The following PLEKHA5 variants were observed in gnomAD, a reference collection of about 807,000 sequenced individuals.
PLEKHA5 encodes pleckstrin homology domain-containing family A member 5.
PLEKHA5 carries 55 observed loss-of-function variants against 181.9 expected under a neutral mutation model. That is an observed-to-expected ratio of 0.30 (90% CI 0.24 to 0.38). The LOEUF is 0.38. PLEKHA5 is among the 10% of genes least tolerant of loss of function. The probability of loss-of-function intolerance (pLI) is 1.00; values close to 1 mark genes in which losing one functional copy is unlikely to be tolerated. For synonymous variants in PLEKHA5, 535 were observed against 529.4 expected, an observed-to-expected ratio of 1.01 and a Z score of -0.15; for missense variants, 1,432 against 1,549.5, an observed-to-expected ratio of 0.92 and a Z score of 1.27.
chr12:19,204,720 A>G (rs767538268), intron 3 of PLEKHA5, among the ~76,000 whole-genome samples: 21 of 152,146 alleles, frequency 1.4e-4, no homozygotes, highest in Non-Finnish European at 2.5e-4. Context: ...GATAAGAAAA[A>G]TCCTATCACT....
intron 21 of PLEKHA5, among the ~76,000 whole-genome samples, chr12:19,341,418 T>C (rs1028533724): frequency 6.6e-6 from 1 of 152,234 alleles, no homozygotes; most frequent in Non-Finnish European, 1.5e-5. Flanking sequence ...TTTTAAATTT[T>C]ATGAAAGTAA....
rs765610657 is a variant in PLEKHA5, at chr12:19,358,446, A to G, written c.3348+9A>G. 3 of 1,526,354 alleles carry G rather than the reference A, an allele frequency of 2.0e-6. No individual in the cohort carries two copies. In the East Asian group the frequency reaches 6.8e-5, roughly 34 times the overall value. The allele number at this position is 1,526,354 out of a possible 1,614,324, so 94.6% of individuals were successfully genotyped here. A position where few individuals can be genotyped will look rare whatever the true frequency, so the allele number is the denominator to read the frequency against. ...CATTTAGGACTACTCAGGTATATGA[A>G]TTGCATTTGATTATTATTTTGTGTA... On this transcript the variant is annotated intron_variant, in intron 27 of 31. Transcript: ENST00000429027.
At chr12:19,214,265 C>CTACA (rs2057514908) in intron 3 of PLEKHA5, among the ~76,000 whole-genome samples, 1 of 152,168 alleles carries the variant, frequency 6.6e-6, no homozygotes, top group African/African-American at 2.4e-5. Flanking sequence ...GTCTCAGGTG[C>CTACA]TACACATCAG....
chr12:19,349,089 T>TTTGTTG (rs146606952), intron 25 of PLEKHA5, among the ~76,000 whole-genome samples: 79 of 144,910 alleles, frequency 5.5e-4, no homozygotes, highest in African/African-American at 1.6e-3. Flanking sequence ...GGTGGTTGTT[T>TTTGTTG]TTGTTGTTGT....
chr12:19,154,224 C>A (rs940060163), intron 3 of PLEKHA5: 3 of 151,952 alleles, frequency 2.0e-5, no homozygotes, highest in African/African-American at 7.2e-5. Flanking sequence ...TTTTTTCACC[C>A]TTTTAAAATA....
At chr12:19,251,491 T>G (rs572554084) in intron 3 of PLEKHA5, among the ~76,000 whole-genome samples, 3 of 151,844 alleles carry the variant, frequency 2.0e-5, no homozygotes, top group East Asian at 3.9e-4. Flanking sequence ...GGCAGTGAAC[T>G]GAAGTAGCTG....
At chr12:19,360,435 A>G (rs924238579) in intron 28 of PLEKHA5, among the ~76,000 whole-genome samples, 2 of 151,860 alleles carry the variant, frequency 1.3e-5, no homozygotes, top group African/African-American at 4.8e-5. Flanking sequence ...GTGAAACCCC[A>G]TATCTACTAA....
intron 3 of PLEKHA5, chr12:19,153,950 G>A (rs1037315950): frequency 5.3e-5 from 8 of 152,268 alleles, no homozygotes; most frequent in Admixed American, 3.9e-4. Context: ...ATCAGTCATG[G>A]AGAAAGGGAT....
chr12:19,306,985 G>A (rs571914306), intron 15 of PLEKHA5: 3 of 1,455,370 alleles, frequency 2.1e-6, no homozygotes, highest in Non-Finnish European at 2.9e-6. Flanking sequence ...GACTGGCGCT[G>A]TTCCACCGGC....
At chr12:19,296,799 A>G (rs925186688) in intron 15 of PLEKHA5, among the ~76,000 whole-genome samples, 6 of 152,198 alleles carry the variant, frequency 3.9e-5, no homozygotes, top group African/African-American at 9.6e-5. Flanking sequence ...AAAACTCTCC[A>G]TGAGTGAAGA....
At chr12:19,197,686 G>C (rs1349361539) in intron 3 of PLEKHA5, among the ~76,000 whole-genome samples, 5 of 89,382 alleles carry the variant, frequency 5.6e-5, no homozygotes, top group African/African-American at 1.9e-4. Context: ...CTGTGTGTGT[G>C]TGTGTGTGTG....
chr12:19,350,346 A>T (rs2094532407), intron 25 of PLEKHA5, among the ~76,000 whole-genome samples: 1 of 152,238 alleles, frequency 6.6e-6, no homozygotes. Flanking sequence ...AAGAATGTGT[A>T]TGTATTTATG....
chr12:19,220,479 T>C (rs1294032765), intron 3 of PLEKHA5, among the ~76,000 whole-genome samples: 1 of 152,186 alleles, frequency 6.6e-6, no homozygotes, highest in African/African-American at 2.4e-5. Flanking sequence ...TCATGACTCA[T>C]TTTAAACAAT....
chr12:19,212,133 C>T (rs776877833), intron 3 of PLEKHA5, among the ~76,000 whole-genome samples: 1 of 152,164 alleles, frequency 6.6e-6, no homozygotes, highest in Non-Finnish European at 1.5e-5. Flanking sequence ...ATTACCACAA[C>T]ATTGGTGACT....
intron 3 of PLEKHA5, among the ~76,000 whole-genome samples, chr12:19,160,241 G>C (rs563017394): frequency 3.3e-5 from 5 of 152,004 alleles, no homozygotes; most frequent in African/African-American, 1.2e-4. Context: ...TAAAGTTCAT[G>C]TTATTGAACA....
At chr12:19,261,473 T>G (rs993392290) in intron 7 of PLEKHA5, among the ~76,000 whole-genome samples, 1 of 152,202 alleles carries the variant, frequency 6.6e-6, no homozygotes, top group African/African-American at 2.4e-5. Flanking sequence ...ACTTTTTTTT[T>G]GACCAAACAC....
chr12:19,145,254 ACT>A (rs1033257558), intron 3 of PLEKHA5, among the ~76,000 whole-genome samples: 1 of 152,012 alleles, frequency 6.6e-6, no homozygotes, highest in African/African-American at 2.4e-5. Flanking sequence ...CTTTGGACTA[ACT>A]CTATGATCGT....
intron 11 of PLEKHA5, among the ~76,000 whole-genome samples, chr12:19,278,764 C>G (rs2075293433): frequency 6.6e-6 from 1 of 152,050 alleles, no homozygotes; most frequent in Non-Finnish European, 1.5e-5. Context: ...GAATTGAACT[C>G]TTTATACTGG....
intron 3 of PLEKHA5, among the ~76,000 whole-genome samples, chr12:19,245,284 C>T (rs2063443926): frequency 2.0e-5 from 3 of 152,264 alleles, no homozygotes; most frequent in Middle Eastern, 3.4e-3. Context: ...TAGCCTCTTC[C>T]TTCCCCTTTT....
Sources: gnomAD v4.1 joint callset for allele counts (sites outside exome capture counted in the v4.1 genomes callset) on GRCh38, gnomAD v4.1.1 for gene constraint, MANE v1.5 for transcripts, NCBI Gene and HGNC (gene_info 2026-07-23, HGNC 2026-07-21) for gene names.